Variants in DIAPH1 observed in about 807,000 individuals in gnomAD.
DIAPH1 encodes protein diaphanous homolog 1.
A neutral mutation model predicts 140.7 loss-of-function variants in DIAPH1; 46 were observed. The observed-to-expected ratio is 0.33, with a 90% CI of 0.26 to 0.42. The LOEUF (loss-of-function observed/expected upper bound fraction) is 0.42. Ranked by LOEUF, DIAPH1 falls within the 10% of genes least tolerant of loss-of-function variation. The probability of loss-of-function intolerance (pLI) is 1.00; values close to 1 mark genes in which losing one functional copy is unlikely to be tolerated. For synonymous variants in DIAPH1, 565 were observed against 551.6 expected (o/e 1.02, Z -0.34); for missense variants, 1,310 against 1,558.7 (o/e 0.84, Z 2.69).
At chr5:141,548,936 G>C (rs1345956466) in intron 18 of DIAPH1, among the ~76,000 whole-genome samples, 1 of 152,112 alleles carries the variant, frequency 6.6e-6, no homozygotes, top group African/African-American at 2.4e-5. Context: ...CTCACTAGGA[G>C]GATAGTAAAA....
chr5:141,558,697 C>A (rs1293141955), intron 18 of DIAPH1, among the ~76,000 whole-genome samples: 1 of 152,036 alleles, frequency 6.6e-6, no homozygotes. Flanking sequence ...CTTTATCTTA[C>A]GCTACACCTC....
chr5:141,593,100 C>T (rs142168542), intron 1 of DIAPH1, among the ~76,000 whole-genome samples: 571 of 152,222 alleles, frequency 3.8e-3, no homozygotes, highest in African/African-American at 0.013. Flanking sequence ...AGTCCTAAAC[C>T]GGAAAGAGCA....
intron 3 of DIAPH1, 111 bp from the exon 4 acceptor site, chr5:141,584,336 AG>A (rs3217028): frequency 1.9e-6 from 1 of 513,036 alleles, no homozygotes; most frequent in Non-Finnish European, 3.5e-6. Flanking sequence ...AAAATGCTTA[AG>A]TAAATAAATC....
chr5:141,533,008 A>T (rs2099888468), intron 19 of DIAPH1, among the ~76,000 whole-genome samples: 2 of 152,238 alleles, frequency 1.3e-5, no homozygotes, highest in African/African-American at 2.4e-5. Flanking sequence ...TTAAGATTAT[A>T]TAATCAAGAA....
rs535339068 is a variant in DIAPH1, at chr5:141,560,171, T to TA, written c.2482+11256dup. On this transcript the variant is annotated intron_variant, in intron 18 of 27. Transcript: ENST00000389054. ...AAGTTCCATATACTGTACTGGTTGA[T>TA]AAAATTTAAAATTCCCTCTTAATCT... 2.8e-4 allele frequency among the ~76,000 whole-genome samples: 42 copies of TA among 152,352 alleles called. 1 individual carries two copies. The East Asian group carries it at 7.9e-3, about 29-fold the overall frequency.
chr5:141,582,415 T>C, intron 6 of DIAPH1, 40 bp from the exon 7 acceptor site: 1 of 1,404,736 alleles, frequency 7.1e-7, no homozygotes, highest in Non-Finnish European at 1.0e-6. Flanking sequence ...CCCTTTATTC[T>C]CTACCCCTTT....
intron 18 of DIAPH1, among the ~76,000 whole-genome samples, chr5:141,541,120 T>C (rs1042812699): frequency 6.6e-6 from 1 of 152,278 alleles, no homozygotes; most frequent in African/African-American, 2.4e-5. Flanking sequence ...GTCCTGCCAA[T>C]GAAACTATGA....
At chr5:141,527,426 C>G in intron 24 of DIAPH1, 147 bp downstream of exon 24, 1 of 891,086 alleles carries the variant, frequency 1.1e-6, no homozygotes, top group East Asian at 2.8e-5. Flanking sequence ...AAAATACTAA[C>G]AAACCCAAAA....
chr5:141,610,848 G>A (rs2099901720), intron 1 of DIAPH1, among the ~76,000 whole-genome samples: 1 of 151,688 alleles, frequency 6.6e-6, no homozygotes, highest in Non-Finnish European at 1.5e-5. Context: ...GCCAAGGTAG[G>A]AGGATCACTT....
At chr5:141,518,898 C>G (rs772758384) in intron 27 of DIAPH1, 9 of 1,535,142 alleles carry the variant, frequency 5.9e-6, no homozygotes, top group Non-Finnish European at 7.9e-6. Flanking sequence ...CCAGGAGAGG[C>G]TGCCCATAGA....
At chr5:141,559,672 G>A (rs774886307) in intron 18 of DIAPH1, among the ~76,000 whole-genome samples, 3 of 152,146 alleles carry the variant, frequency 2.0e-5, no homozygotes, top group Non-Finnish European at 4.4e-5. Flanking sequence ...CCAGGATGGT[G>A]ACTCAATTAG....
chr5:141,575,178 G>A, intron 14 of DIAPH1, 32 bp from the exon 15 acceptor site: 1 of 1,610,332 alleles, frequency 6.2e-7, no homozygotes, highest in Non-Finnish European at 8.5e-7. Flanking sequence ...CTCCCAGCAA[G>A]CTCTCCATCT....
chr5:141,558,238 G>A (rs1436083730), intron 18 of DIAPH1: 2 of 152,190 alleles, frequency 1.3e-5, no homozygotes, highest in African/African-American at 2.4e-5. Context: ...ACAGCCCTGA[G>A]TTGCAGTTAC....
At chr5:141,578,417 T>A in intron 10 of DIAPH1, 74 bp from the exon 11 acceptor site, 20 of 1,541,802 alleles carry the variant, frequency 1.3e-5, no homozygotes, top group Non-Finnish European at 1.8e-5. Flanking sequence ...CTTTTCAACC[T>A]GGTTTTTAAT....
chr5:141,607,540 G>A (rs148684174), intron 1 of DIAPH1, among the ~76,000 whole-genome samples: 49 of 152,198 alleles, frequency 3.2e-4, no homozygotes, highest in African/African-American at 1.2e-3. Context: ...GGCCAAAAAC[G>A]GACATCAACA....
At chr5:141,546,858 A>G (rs1370218157) in intron 18 of DIAPH1, among the ~76,000 whole-genome samples, 1 of 152,190 alleles carries the variant, frequency 6.6e-6, no homozygotes, top group Non-Finnish European at 1.5e-5. Flanking sequence ...GATTAACACA[A>G]TCAGCCTCTA....
chr5:141,583,338 C>T, intron 5 of DIAPH1, 46 bp from the exon 6 acceptor site: 1 of 1,606,448 alleles, frequency 6.2e-7, no homozygotes. Context: ...CCAATAAATA[C>T]TTATTTGCCA....
chr5:141,554,685 AAAAAT>A (rs1332590474), intron 18 of DIAPH1, among the ~76,000 whole-genome samples: 1 of 152,216 alleles, frequency 6.6e-6, no homozygotes, highest in East Asian at 1.9e-4. Context: ...GGTATAAAAT[AAAAAT>A]AATAACAGAT....
At chr5:141,527,881 T>A (rs2099887629) in intron 23 of DIAPH1, among the ~76,000 whole-genome samples, 184 bp from the exon 24 acceptor site, 1 of 152,170 alleles carries the variant, frequency 6.6e-6, no homozygotes, top group South Asian at 2.1e-4. Flanking sequence ...AGTTTTCATC[T>A]TTCCAGTGAA....
Sources: allele counts gnomAD v4.1 joint callset (sites outside exome capture counted in the v4.1 genomes callset), GRCh38; gene constraint gnomAD v4.1.1; transcripts MANE v1.5; gene names NCBI Gene and HGNC (gene_info 2026-07-23, HGNC 2026-07-21).